SLC43A2: variants seen among roughly 807,000 people sequenced by gnomAD.
SLC43A2 encodes the protein large neutral amino acids transporter small subunit 4.
A neutral mutation model predicts 63.2 loss-of-function variants in SLC43A2; 38 were observed. That is an observed-to-expected ratio of 0.60 (90% confidence interval 0.46 to 0.79). The LOEUF (loss-of-function observed/expected upper bound fraction) is 0.79. Among genes scored for constraint, SLC43A2 ranks in the 30% least tolerant of loss-of-function variants. The probability of loss-of-function intolerance (pLI) is 0.00; values close to 1 mark genes in which losing one functional copy is unlikely to be tolerated. For synonymous variants in SLC43A2, 322 were observed against 331.0 expected (o/e 0.97, Z 0.30); for missense variants, 644 against 756.2 (o/e 0.85, Z 1.74).
chr17:1,583,636 G>T lies in SLC43A2; in HGVS notation c.1218-300C>A. 1 of 322,162 alleles carries T rather than the reference G, an allele frequency of 3.1e-6. No homozygotes were observed. The allele number at this position is 322,162 out of a possible 1,614,324, so 20.0% of individuals were successfully genotyped here. The stretch of plus-strand genomic sequence containing the variant: ...ACGACGGGGAGAGAAGTAGCAGCGT[G>T]TGCCTGAGCTGGCACATGGCAAAGC... On this transcript the variant is annotated intron_variant, in intron 10 of 13. Coordinates refer to ENST00000301335, the MANE Select transcript of SLC43A2 (RefSeq NM_152346.3). This position sits in a 1 kb window ranked among gnomAD's most constrained non-coding sequence, Gnocchi z 5.5.
upstream of SLC43A2, among the ~76,000 whole-genome samples, chr17:1,629,913 C>T (rs548662424): frequency 1.1e-4 from 17 of 152,352 alleles, no homozygotes; most frequent in African/African-American, 3.8e-4. Context: ...CCAGAATCGC[C>T]TTGGTCACCC....
intron 5 of SLC43A2, among the ~76,000 whole-genome samples, chr17:1,600,329 T>G (rs1905854683): frequency 1.4e-5 from 2 of 146,252 alleles, no homozygotes; most frequent in African/African-American, 5.0e-5. Context: ...TTTTGTATTT[T>G]TAGTAGAGAC....
At chr17:1,586,928 T>TGGGGCCCCC in intron 9 of SLC43A2, 8 of 1,232,880 alleles carry the variant, frequency 6.5e-6, no homozygotes, top group South Asian at 1.3e-5. Context: ...TCCCTGACAA[T>TGGGGCCCCC]CCCCCCCACC....
chr17:1,587,003 G>A (rs776304045), intron 9 of SLC43A2: 4 of 1,515,980 alleles, frequency 2.6e-6, no homozygotes, highest in South Asian at 1.2e-5. Context: ...AAGAAGAGAG[G>A]TTAGTGGCAG....
At position 1,616,693 on chromosome 17, in the gene SLC43A2, G is replaced by A. The variant is rs1336613085; in HGVS notation, c.237C>T (p.Leu79=). 7 of 1,613,936 alleles carry A rather than the reference G, an allele frequency of 4.3e-6. No homozygotes were observed. The highest frequency in any genetic ancestry group is 1.3e-5 in the African/African-American group (1 of 74,940). Residue 79 remains leucine, a synonymous_variant, in exon 3 of 14, where the codon CTC becomes CTT. Transcript: ENST00000301335. ...HEEVSWMNGW[L]SCQAQDEMLN... is the part of the protein sequence containing the mutation. ...GCATCTCGTCCTGGGCCTGGCAGCT[G>A]AGCCAGCCGTTCATCCAGCTCACCT...
Position 1,591,361 on chromosome 17 carries a change from C to G in SLC43A2, c.839G>C (p.Arg280Thr). 1.2e-6 allele frequency: 2 copies of G among 1,611,782 alleles called. No homozygotes were observed. Among genetic ancestry groups the G allele is most frequent in the Non-Finnish European group, 1.7e-6 (2 of 1,179,982 alleles). ...GRRLSVGSSM[R>T]SAKEQVALQE... ...CAGCGCCACCTGCTCCTTGGCACTC[C>G]TCATGGAGCTGCCCACACTCAGGCG... is the stretch of plus-strand genomic sequence containing the variant. The change falls in exon 8 of 14, where the codon AGG becomes ACG. Residue 280 changes from arginine to threonine, a missense_variant. By Grantham distance (71) the Arg-to-Thr change is moderately conservative (BLOSUM62 -1). This residue lies in a region of SLC43A2 where 528 missense variants were observed against 623.6 expected (regional missense o/e 0.85). Transcript: ENST00000301335.
At chr17:1,610,207 T>C (rs1167288809) in intron 5 of SLC43A2, among the ~76,000 whole-genome samples, 1 of 151,956 alleles carries the variant, frequency 6.6e-6, no homozygotes, top group Non-Finnish European at 1.5e-5. Flanking sequence ...TGTGAGCCAC[T>C]GCGCCTGGCA....
intron 1 of SLC43A2, chr17:1,628,334 A>T (rs929132003): frequency 6.5e-6 from 1 of 154,452 alleles, no homozygotes; most frequent in Non-Finnish European, 1.4e-5. Flanking sequence ...TCTCCCAGGG[A>T]CCCTGACAGG....
chr17:1,600,549 C>CTTT (rs398030152), intron 5 of SLC43A2, among the ~76,000 whole-genome samples: 2 of 73,766 alleles, frequency 2.7e-5, no homozygotes, highest in African/African-American at 1.0e-4. Context: ...TTTCTTTCCT[C>CTTT]TTTTTTTTTT....
intron 2 of SLC43A2, among the ~76,000 whole-genome samples, chr17:1,618,230 G>T (rs557070070): frequency 1.3e-5 from 2 of 152,358 alleles, no homozygotes; most frequent in South Asian, 4.1e-4. Context: ...CTGGAATCTG[G>T]TTTCTAGCTT....
At chr17:1,589,958 T>C (rs187281432) in intron 9 of SLC43A2, among the ~76,000 whole-genome samples, 156 of 152,290 alleles carry the variant, frequency 1.0e-3, no homozygotes, top group African/African-American at 3.6e-3. Flanking sequence ...TGTTATCTGG[T>C]TCCCTTTGCT....
intron 2 of SLC43A2, among the ~76,000 whole-genome samples, chr17:1,621,970 C>T (rs959979205): frequency 8.5e-5 from 13 of 152,216 alleles, no homozygotes; most frequent in African/African-American, 3.1e-4. Context: ...GGGACTAAGA[C>T]TCTCCCACGA....
intron 9 of SLC43A2, chr17:1,586,894 G>GTCC: frequency 1.3e-6 from 2 of 1,525,704 alleles, no homozygotes; most frequent in South Asian, 1.2e-5. Flanking sequence ...AACAGAGACT[G>GTCC]GCTGGGAGGG....
At chr17:1,576,390 C>T (rs943407925) in intron 13 of SLC43A2, among the ~76,000 whole-genome samples, 3 of 152,026 alleles carry the variant, frequency 2.0e-5, no homozygotes, top group Non-Finnish European at 4.4e-5. Flanking sequence ...GGCCCAGGAA[C>T]TCTGTTCTAT....
intron 2 of SLC43A2, 47 bp downstream of exon 2, chr17:1,627,654 CCCGCCCCCTCCCAA>C: frequency 5.8e-6 from 2 of 346,670 alleles, no homozygotes; most frequent in Non-Finnish European, 1.1e-5. Context: ...TCGCCCCCAT[CCCGCCCCCTCCCAA>C]AGCCCCAGCT....
intron 4 of SLC43A2, among the ~76,000 whole-genome samples, chr17:1,613,825 G>A (rs1390545287): frequency 2.6e-5 from 4 of 152,130 alleles, no homozygotes; most frequent in African/African-American, 4.8e-5. Flanking sequence ...GTGTCCAGGC[G>A]CAGTGACTCA....
rs2151064558 is a variant in SLC43A2, at chr17:1,605,200, A to G, written c.501+7995T>C. 1 of 1,133,978 alleles carries G rather than the reference A, an allele frequency of 8.8e-7. No individual in the cohort carries two copies. Among genetic ancestry groups the G allele is most frequent in the Non-Finnish European group, 1.1e-6 (1 of 918,266 alleles). The allele number at this position is 1,133,978 out of a possible 1,614,324, so 70.2% of individuals were successfully genotyped here. A position where few individuals can be genotyped will look rare whatever the true frequency, so the allele number is the denominator to read the frequency against. On this transcript the variant is annotated intron_variant, in intron 5 of 13. Transcript: ENST00000301335. This position sits in a 1 kb window ranked among gnomAD's most constrained non-coding sequence, Gnocchi z 4.9. ...CCCGGGCTGTTCACTCACTGCCTCC[A>G]CGCAGCCTCAGTCACACAGGGAAGC...
intron 2 of SLC43A2, among the ~76,000 whole-genome samples, chr17:1,619,270 C>A (rs1293589199): frequency 6.6e-6 from 1 of 152,172 alleles, no homozygotes; most frequent in Non-Finnish European, 1.5e-5. Flanking sequence ...CCACTGCACT[C>A]CAGCCTGGGC....
chr17:1,570,512 A>C lies in SLC43A2; in HGVS notation c.*5092T>G, dbSNP rs1468501504. The C allele has an allele frequency of 2.3e-5, 3 of 130,448 alleles. No homozygotes were observed. The highest frequency in any genetic ancestry group is 3.2e-5 in the Non-Finnish European group (2 of 62,968). The allele number at this position is 130,448 out of a possible 1,614,324, so 8.1% of individuals were successfully genotyped here. On this transcript the variant is annotated 3_prime_UTR_variant, in exon 14 of 14. Transcript: ENST00000301335. ...GTTTTTTTTTTTTTTTTTGAGACGG[A>C]GTCTCGCTCTGTCGCCCAGGCTGGA...
Sources: allele counts gnomAD v4.1 joint callset (sites outside exome capture counted in the v4.1 genomes callset), GRCh38; gene constraint gnomAD v4.1.1; regional missense constraint gnomAD v4.1.1; non-coding constraint Gnocchi (gnomAD v3.1); transcripts MANE v1.5; gene names NCBI Gene and HGNC (gene_info 2026-07-23, HGNC 2026-07-21).